CCSER1: variants seen among roughly 807,000 people sequenced by gnomAD.
The protein encoded by CCSER1 is serine-rich coiled-coil domain-containing protein 1.
CCSER1 carries 41 observed loss-of-function variants against 82.0 expected under a neutral mutation model. The observed-to-expected ratio is 0.50, with a 90% CI of 0.39 to 0.65. CCSER1 has a LOEUF of 0.65. CCSER1 is among the 30% of genes least tolerant of loss of function. CCSER1 has a pLI of 0.00. For missense variants in CCSER1, 1,119 were observed against 1,064.2 expected, an observed-to-expected ratio of 1.05 and a Z score of -0.72; for synonymous variants, 414 against 383.9, an observed-to-expected ratio of 1.08 and a Z score of -0.92.
At chr4:90,977,078 C>T (rs1735677984) in intron 9 of CCSER1, among the ~76,000 whole-genome samples, 1 of 151,490 alleles carries the variant, frequency 6.6e-6, no homozygotes, top group South Asian at 2.1e-4. Context: ...TTGGTACCAA[C>T]CTTTTGTTCT....
intron 3 of CCSER1, among the ~76,000 whole-genome samples, chr4:90,366,648 C>T (rs1001435781): frequency 1.3e-5 from 2 of 151,922 alleles, no homozygotes; most frequent in African/African-American, 4.8e-5. Flanking sequence ...TTCTCCCCAC[C>T]TCCAGCCTCT....
At chr4:90,335,602 T>C (rs1015860638) in intron 3 of CCSER1, among the ~76,000 whole-genome samples, 5 of 152,230 alleles carry the variant, frequency 3.3e-5, no homozygotes, top group African/African-American at 1.2e-4. Context: ...AGCAAATATT[T>C]GTTCCCTAAA....
intron 10 of CCSER1, among the ~76,000 whole-genome samples, chr4:91,223,335 T>C (rs1024480878): frequency 5.9e-5 from 9 of 151,850 alleles, no homozygotes; most frequent in Admixed American, 5.9e-4. Flanking sequence ...TCAAAACACA[T>C]AAACATGTAG....
chr4:90,299,356 A>T (rs62312868), intron 1 of CCSER1, among the ~76,000 whole-genome samples: 66,747 of 151,930 alleles, frequency 0.44, 14,779 homozygotes, highest in South Asian at 0.56. Context: ...TTTCTTATAT[A>T]AGCAATTATT....
At chr4:91,007,226 T>C (rs1738596779) in intron 9 of CCSER1, among the ~76,000 whole-genome samples, 1 of 152,212 alleles carries the variant, frequency 6.6e-6, no homozygotes, top group Non-Finnish European at 1.5e-5. Flanking sequence ...TCTGTGTTCA[T>C]CAGAAATAAT....
At chr4:90,413,572 A>G (rs1367896388) in intron 4 of CCSER1, among the ~76,000 whole-genome samples, 3 of 152,164 alleles carry the variant, frequency 2.0e-5, no homozygotes, top group African/African-American at 4.8e-5. Context: ...ACAGCATGGT[A>G]CTGGTATAAA....
chr4:91,110,634 C>T (rs1311747434), intron 10 of CCSER1, among the ~76,000 whole-genome samples: 1 of 151,590 alleles, frequency 6.6e-6, no homozygotes. Flanking sequence ...TTTTGTTTAT[C>T]TCTGTCAGTC....
chr4:91,225,657 A>G (rs181836086), intron 10 of CCSER1, among the ~76,000 whole-genome samples: 5 of 151,884 alleles, frequency 3.3e-5, no homozygotes, highest in African/African-American at 7.2e-5. Context: ...CTGTTTCTCT[A>G]TGCCATTGAC....
chr4:90,784,161 T>C (rs189350246), intron 7 of CCSER1, among the ~76,000 whole-genome samples: 16 of 152,254 alleles, frequency 1.1e-4, no homozygotes, highest in Admixed American at 6.5e-4. Context: ...TAGAGGACTT[T>C]CCTTATGTAG....
intron 10 of CCSER1, among the ~76,000 whole-genome samples, chr4:91,152,620 T>C (rs186000830): frequency 6.6e-6 from 1 of 152,206 alleles, no homozygotes; most frequent in Non-Finnish European, 1.5e-5. Flanking sequence ...GCATCAATGG[T>C]CTTCACAATT....
At chr4:90,682,352 G>T (rs2149184900) in intron 6 of CCSER1, among the ~76,000 whole-genome samples, 1 of 151,340 alleles carries the variant, frequency 6.6e-6, no homozygotes, top group African/African-American at 2.4e-5. Flanking sequence ...TTAAAATTTT[G>T]TGTAAAATGA....
At chr4:90,232,616 G>A (rs1371865268) in intron 1 of CCSER1, among the ~76,000 whole-genome samples, 3 of 138,132 alleles carry the variant, frequency 2.2e-5, no homozygotes, top group Non-Finnish European at 4.6e-5. Context: ...AGCCAAAATT[G>A]ACAAATGGGA....
intron 1 of CCSER1, among the ~76,000 whole-genome samples, chr4:90,230,700 A>T (rs1178596661): frequency 4.7e-5 from 7 of 150,352 alleles, no homozygotes; most frequent in East Asian, 1.9e-4. Context: ...TTTTGAAAGG[A>T]TCAACAAAAT....
chr4:90,147,636 C>G (rs955817113), intron 1 of CCSER1, among the ~76,000 whole-genome samples: 11 of 151,934 alleles, frequency 7.2e-5, no homozygotes, highest in Middle Eastern at 3.2e-3. Context: ...GCTTATAATC[C>G]TGATAATCTT....
chr4:90,279,913 TG>T (rs1191159074), intron 1 of CCSER1, among the ~76,000 whole-genome samples: 1 of 152,156 alleles, frequency 6.6e-6, no homozygotes, highest in East Asian at 1.9e-4. Flanking sequence ...AAGAGCATAC[TG>T]GGGGACTAAT....
chr4:90,735,443 TG>T (rs1230598886), intron 7 of CCSER1, among the ~76,000 whole-genome samples: 2 of 152,170 alleles, frequency 1.3e-5, no homozygotes, highest in Non-Finnish European at 2.9e-5. Context: ...GTGAAGCCAC[TG>T]GGTCCTGGGC....
intron 10 of CCSER1, among the ~76,000 whole-genome samples, chr4:91,236,093 C>T (rs922090445): frequency 7.2e-5 from 11 of 152,138 alleles, no homozygotes; most frequent in African/African-American, 2.2e-4. Context: ...GTAATGCACA[C>T]GTCTCTTACA....
intron 1 of CCSER1, among the ~76,000 whole-genome samples, chr4:90,176,187 T>G (rs989826997): frequency 6.6e-6 from 1 of 152,010 alleles, no homozygotes; most frequent in African/African-American, 2.4e-5. Context: ...TGACAAGCTC[T>G]GTGTGAAGGA....
chr4:91,275,621 G>A (rs555229087), intron 10 of CCSER1, among the ~76,000 whole-genome samples: 1 of 152,040 alleles, frequency 6.6e-6, no homozygotes, highest in South Asian at 2.1e-4. Context: ...TCATTCTATA[G>A]GTTGTCTCTT....
Sources: gnomAD v4.1 joint callset for allele counts (sites outside exome capture counted in the v4.1 genomes callset) on GRCh38, gnomAD v4.1.1 for gene constraint, MANE v1.5 for transcripts, NCBI Gene and HGNC (gene_info 2026-07-23, HGNC 2026-07-21) for gene names.